Variants in ZFHX4 observed in about 807,000 individuals in gnomAD.
The protein encoded by ZFHX4 is zinc finger homeobox 4, also known as zinc finger homeobox protein 4.
ZFHX4 carries 56 observed loss-of-function variants against 267.6 expected under a neutral mutation model. That is an observed-to-expected ratio of 0.21 (90% CI 0.17 to 0.26). The LOEUF (loss-of-function observed/expected upper bound fraction) is 0.26. Ranked by LOEUF, ZFHX4 falls within the 10% of genes least tolerant of loss-of-function variation. The pLI is 1.00. For synonymous variants in ZFHX4, 1,778 were observed against 1,665.6 expected, an observed-to-expected ratio of 1.07 and a Z score of -1.64; for missense variants, 4,332 against 4,420.0, an observed-to-expected ratio of 0.98 and a Z score of 0.56.
intron 4 of ZFHX4, among the ~76,000 whole-genome samples, chr8:76,801,430 C>T (rs979033455): frequency 7.9e-5 from 12 of 152,158 alleles, no homozygotes; most frequent in Non-Finnish European, 1.6e-4. Flanking sequence ...TCTTTGTCCT[C>T]CATTTTACCT....
At chr8:76,799,593 T>A (rs1201657015) in intron 4 of ZFHX4, among the ~76,000 whole-genome samples, 2 of 152,180 alleles carry the variant, frequency 1.3e-5, no homozygotes, top group East Asian at 3.9e-4. Flanking sequence ...ACTAAATAAA[T>A]CTGTTTCACT....
At chr8:76,746,517 T>G (rs1585904420) in intron 3 of ZFHX4, among the ~76,000 whole-genome samples, 2 of 152,370 alleles carry the variant, frequency 1.3e-5, no homozygotes, top group Middle Eastern at 6.8e-3. Flanking sequence ...CAGAACTTCA[T>G]TCTTTTGAAA....
At chr8:76,700,544 G>A (rs910973345) in intron 1 of ZFHX4, among the ~76,000 whole-genome samples, 6 of 152,170 alleles carry the variant, frequency 3.9e-5, no homozygotes, top group Non-Finnish European at 5.9e-5. Flanking sequence ...CAGGCTCCTT[G>A]TAGGTGGGTT....
Position 76,863,660 on chromosome 8 carries a change from T to C in ZFHX4, c.9946T>C (p.Leu3316=). 6.2e-7 allele frequency: 1 copy of C among 1,609,138 alleles called. No individual in the cohort carries two copies. Among genetic ancestry groups the C allele is most frequent in the Non-Finnish European group, 8.5e-7 (1 of 1,177,450 alleles). Residue 3316 remains leucine (L), a synonymous_variant, in exon 11 of 11, where the codon TTG becomes CTG. Transcript: ENST00000651372. ...TLAGLSPGAL[L]QQYQQYQQNL... ...GGCAGGTCTGTCCCCAGGTGCACTGTTGCAGCAGTACCAACAGTATCAGCA... is the reference window on the plus strand; with the variant it reads ...GGCAGGTCTGTCCCCAGGTGCACTGCTGCAGCAGTACCAACAGTATCAGCA...
chr8:76,843,909 A>C (rs954773878), intron 6 of ZFHX4, among the ~76,000 whole-genome samples: 1 of 152,004 alleles, frequency 6.6e-6, no homozygotes, highest in African/African-American at 2.4e-5. Flanking sequence ...CCCTCCCCAC[A>C]CTGTTCAGTA....
intron 3 of ZFHX4, among the ~76,000 whole-genome samples, chr8:76,718,466 C>T (rs569569301): frequency 4.6e-5 from 7 of 151,934 alleles, no homozygotes; most frequent in Admixed American, 6.6e-5. Flanking sequence ...TTAAAAAACC[C>T]GCACATTTGG....
chr8:76,845,177 C>T (rs543371718), intron 6 of ZFHX4, among the ~76,000 whole-genome samples: 79 of 152,136 alleles, frequency 5.2e-4, no homozygotes, highest in African/African-American at 1.7e-3. Context: ...AGGAGTAGAG[C>T]TTTCAAAATG....
rs138159746 is a variant in ZFHX4, at chr8:76,779,930, T to C, written c.3325+1491T>C. Among the ~76,000 whole-genome samples the C allele has an allele frequency of 5.3e-4, 80 of 152,234 alleles. 3 individuals are homozygous for C. In the East Asian group the frequency reaches 0.015, roughly 28 times the overall value. Reference sequence around the variant, plus strand: ...ATAAAAACCTTGGTCTTAAGTAGCCTCCAACTGTGCTTGGATAAGAATATT... The same window carrying C: ...ATAAAAACCTTGGTCTTAAGTAGCCCCCAACTGTGCTTGGATAAGAATATT... On this transcript the variant is annotated intron_variant, in intron 4 of 10. Coordinates refer to ENST00000651372, the MANE Select transcript of ZFHX4 (RefSeq NM_024721.5).
chr8:76,721,252 T>A (rs957139182), intron 3 of ZFHX4, among the ~76,000 whole-genome samples: 2 of 152,182 alleles, frequency 1.3e-5, no homozygotes, highest in Non-Finnish European at 2.9e-5. Flanking sequence ...AATCATTTAT[T>A]TGGTTCATAC....
At chr8:76,796,513 G>A (rs955012239) in intron 4 of ZFHX4, among the ~76,000 whole-genome samples, 3 of 152,186 alleles carry the variant, frequency 2.0e-5, no homozygotes, top group African/African-American at 4.8e-5. Flanking sequence ...TGTATGCCAA[G>A]ATTCATCTTG....
intron 3 of ZFHX4, among the ~76,000 whole-genome samples, chr8:76,742,466 T>C (rs906730103): frequency 6.6e-6 from 1 of 152,144 alleles, no homozygotes; most frequent in Non-Finnish European, 1.5e-5. Context: ...AGAAAATGAA[T>C]TTTTAGAAGG....
At chr8:76,823,765 T>G (rs1312194087) in intron 4 of ZFHX4, among the ~76,000 whole-genome samples, 1 of 152,210 alleles carries the variant, frequency 6.6e-6, no homozygotes, top group Admixed American at 6.5e-5. Context: ...TAAAAAACAT[T>G]ATCTAGTTAT....
intron 6 of ZFHX4, 83 bp downstream of exon 6, chr8:76,842,854 C>A: frequency 2.1e-6 from 2 of 930,340 alleles, no homozygotes; most frequent in Non-Finnish European, 3.2e-6. Flanking sequence ...CCCCCCACCC[C>A]ACAAAACTTA....
Position 76,794,873 on chromosome 8 carries a change from T to TTGTGTG in ZFHX4, c.3325+16467_3325+16472dup, listed in dbSNP as rs71277761. On this transcript the variant is annotated intron_variant, in intron 4 of 10. Transcript: ENST00000651372. ...GATGGAGAAGGCGGCTGGCCTGTCA[T>TTGTGTG]TGTGTGTGTGTGTGTGTGTGTGTGT... 5.5e-3 allele frequency among the ~76,000 whole-genome samples: 790 copies of TTGTGTG among 143,150 alleles called. 5 individuals are homozygous for TTGTGTG. Among genetic ancestry groups the TTGTGTG allele is most frequent in the African/African-American group, 0.013 (520 of 39,398 alleles). 93.9% of individuals were successfully genotyped at this position (143,150 alleles called of 152,430 possible). A position where few individuals can be genotyped will look rare whatever the true frequency, so the allele number is the denominator to read the frequency against.
intron 10 of ZFHX4, among the ~76,000 whole-genome samples, chr8:76,858,161 A>T (rs1323303253): frequency 1.3e-5 from 2 of 152,236 alleles, no homozygotes; most frequent in African/African-American, 4.8e-5. Context: ...TTGGTCAGTC[A>T]TTCTGATATG....
chr8:76,825,740 A>T (rs879606307), intron 4 of ZFHX4, among the ~76,000 whole-genome samples: 5 of 152,188 alleles, frequency 3.3e-5, no homozygotes, highest in Admixed American at 2.0e-4. Flanking sequence ...AAAATAAAAT[A>T]TTGGGAATTA....
In ZFHX4 at chr8:76,863,255, C is replaced by T; in HGVS notation, c.9541C>T (p.Gln3181Ter). 2 of 1,603,600 alleles carry T rather than the reference C, an allele frequency of 1.2e-6. No individual in the cohort carries two copies. The highest frequency in any genetic ancestry group is 1.7e-6 in the Non-Finnish European group (2 of 1,174,538). Residue 3181 changes from glutamine (Q) to a stop codon, truncating the protein, a stop_gained, in exon 11 of 11, where the codon CAG (glutamine) becomes TAG (stop). Transcript: ENST00000651372. LOFTEE classifies it high-confidence loss of function. ...PPPSSSLSGQ[Q>*]TEQQNKESEK... ...TCCTTCATCCTCTCTGTCAGGACAG[C>T]AGACCGAGCAACAGAACAAAGAATC...
At chr8:76,803,006 C>G (rs1167585289) in intron 4 of ZFHX4, among the ~76,000 whole-genome samples, 1 of 152,022 alleles carries the variant, frequency 6.6e-6, no homozygotes, top group African/African-American at 2.4e-5. Flanking sequence ...CCAAAGAAGT[C>G]TTTTGTATCC....
At chr8:76,849,345 G>T (rs774565311) in intron 7 of ZFHX4, among the ~76,000 whole-genome samples, 167 bp from the exon 8 acceptor site, 4 of 152,172 alleles carry the variant, frequency 2.6e-5, no homozygotes, top group Non-Finnish European at 4.4e-5. Flanking sequence ...CTTAGTACAA[G>T]AAATAGTGAA....
Sources: allele counts gnomAD v4.1 joint callset (sites outside exome capture counted in the v4.1 genomes callset), GRCh38; gene constraint gnomAD v4.1.1; transcripts MANE v1.5; gene names NCBI Gene and HGNC (gene_info 2026-07-23, HGNC 2026-07-21).